Variants in ZNF624 observed in about 807,000 individuals in gnomAD.
The protein encoded by ZNF624 is zinc finger protein 624.
ZNF624 carries 43 observed loss-of-function variants against 74.7 expected under a neutral mutation model. The observed-to-expected ratio is 0.58, with a 90% CI of 0.45 to 0.74. ZNF624 has a LOEUF of 0.74. ZNF624 is among the 30% of genes least tolerant of loss of function. ZNF624 has a pLI of 0.00. For missense variants in ZNF624, 820 were observed against 1,030.0 expected (o/e 0.80, Z 2.79); for synonymous variants, 331 against 341.3 (o/e 0.97, Z 0.33).
At chr17:16,617,910 G>A, downstream of ZNF624, 2 of 1,464,442 alleles carry the variant, frequency 1.4e-6, no homozygotes, top group East Asian at 2.4e-5. Flanking sequence ...CCCAAGGGCT[G>A]GTTGTGGAAC....
chr17:16,617,392 T>G (rs1231140293), downstream of ZNF624: 3 of 1,613,458 alleles, frequency 1.9e-6, no homozygotes, highest in East Asian at 6.7e-5. Context: ...ATCCAGTTTG[T>G]CCAAAGCACG....
At chr17:16,630,192 A>C (rs1442208190) in intron 5 of ZNF624, among the ~76,000 whole-genome samples, 1 of 152,176 alleles carries the variant, frequency 6.6e-6, no homozygotes, top group Non-Finnish European at 1.5e-5. Context: ...TATAACTGCC[A>C]ATCTAAAATT....
chr17:16,637,866 T>C (rs1303430903), intron 3 of ZNF624, among the ~76,000 whole-genome samples: 1 of 151,862 alleles, frequency 6.6e-6, no homozygotes, highest in Non-Finnish European at 1.5e-5. Context: ...AATTGACAAA[T>C]GGGATCTAAT....
intron 5 of ZNF624, among the ~76,000 whole-genome samples, chr17:16,629,870 C>A (rs9905745): frequency 0.053 from 8,002 of 152,168 alleles, 458 homozygotes; most frequent in South Asian, 0.13. Context: ...CCAATTTTTA[C>A]ATTTAAAATG....
chr17:16,617,856 A>G, downstream of ZNF624: 1 of 1,610,242 alleles, frequency 6.2e-7, no homozygotes, highest in Non-Finnish European at 8.5e-7. Context: ...GTTGTAGCTT[A>G]GGCGTCCTAT....
At chr17:16,636,043 G>T (rs1569044966) in intron 3 of ZNF624, among the ~76,000 whole-genome samples, 1 of 152,180 alleles carries the variant, frequency 6.6e-6, no homozygotes, top group Non-Finnish European at 1.5e-5. Context: ...AAGCAAGGAA[G>T]CTATGAAAGA....
Position 16,624,064 on chromosome 17 carries a change from T to C in ZNF624, c.822A>G (p.Lys274=). 6.2e-7 allele frequency: 1 copy of C among 1,614,058 alleles called. No homozygotes were observed. The highest frequency in any genetic ancestry group is 1.1e-5 in the South Asian group (1 of 91,060). ...TLGKKSNNKE[K]PYKCSTCEKA... is the part of the protein sequence containing the mutation. ...TTTCGCATGTACTACATTTGTAGGG[T>C]TTTTCCTTATTATTGGATTTTTTCC... The change falls in exon 6 of 6, where the codon AAA becomes AAG. Residue 274 remains lysine (K), a synonymous_variant. Transcript: ENST00000311331.
intron 3 of ZNF624, among the ~76,000 whole-genome samples, chr17:16,635,391 G>T (rs985949316): frequency 3.9e-5 from 6 of 152,024 alleles, no homozygotes; most frequent in African/African-American, 7.2e-5. Context: ...GGAGTAGAGC[G>T]GACTGGAATG....
chr17:16,640,169 C>T (rs1328410194), intron 3 of ZNF624, among the ~76,000 whole-genome samples: 1 of 152,058 alleles, frequency 6.6e-6, no homozygotes, highest in Non-Finnish European at 1.5e-5. Flanking sequence ...TAAACATATA[C>T]TCACCTAACA....
In ZNF624 at chr17:16,622,168, T is replaced by G. The variant is rs995312971; in HGVS notation, c.*120A>C. ...ATTAAATGATTTCCCACATAATTGC[T>G]TATAGTTTCTCTGTATACTTTCTGA... On this transcript the variant is annotated 3_prime_UTR_variant, in exon 6 of 6. Coordinates refer to ENST00000311331, the MANE Select transcript of ZNF624 (RefSeq NM_020787.4). The G allele has an allele frequency of 4.4e-6, 3 of 679,132 alleles. No homozygotes were observed. The African/African-American group carries it at 5.5e-5, about 12-fold the overall frequency. 42.1% of individuals were successfully genotyped at this position (679,132 alleles called of 1,614,324 possible). A position where few individuals can be genotyped will look rare whatever the true frequency, so the allele number is the denominator to read the frequency against.
intron 5 of ZNF624, chr17:16,631,864 G>T (rs1022336773): frequency 6.6e-6 from 1 of 152,118 alleles, no homozygotes; most frequent in Non-Finnish European, 1.5e-5. Flanking sequence ...ATGATAAACC[G>T]ATAGTATGCC....
At chr17:16,626,639 A>T (rs1909079420) in intron 5 of ZNF624, among the ~76,000 whole-genome samples, 2 of 152,130 alleles carry the variant, frequency 1.3e-5, no homozygotes, top group Non-Finnish European at 2.9e-5. Context: ...GTAGTACTAA[A>T]TACTTGGAAG....
chr17:16,614,297 A>T, the ZNF624 span, among the ~76,000 whole-genome samples: 1 of 152,160 alleles, frequency 6.6e-6, no homozygotes, highest in African/African-American at 2.4e-5. Flanking sequence ...AAGTCCTAGA[A>T]AACCTAATCA....
rs996269341 is a variant in ZNF624, at chr17:16,621,280, A to G, written c.*1008T>C. On this transcript the variant is annotated 3_prime_UTR_variant, in exon 6 of 6. Coordinates refer to ENST00000311331, the MANE Select transcript of ZNF624 (RefSeq NM_020787.4). ...ATATGGGTATGTCACAATTTATCTA[A>G]CCAGTTCCCTATTAATGGGCATTCA... is the stretch of plus-strand genomic sequence containing the variant. The G allele has an allele frequency of 6.6e-6, 1 of 152,220 alleles. No homozygotes were observed. Among genetic ancestry groups the G allele is most frequent in the African/African-American group, 2.4e-5 (1 of 41,460 alleles). The allele number at this position is 152,220 out of a possible 1,614,324, so 9.4% of individuals were successfully genotyped here.
intron 3 of ZNF624, among the ~76,000 whole-genome samples, chr17:16,646,335 CTA>C (rs1399284225): frequency 1.3e-5 from 2 of 152,104 alleles, no homozygotes; most frequent in African/African-American, 4.8e-5. Flanking sequence ...TTCAAAAATA[CTA>C]TGTATAAAAC....
intron 3 of ZNF624, among the ~76,000 whole-genome samples, chr17:16,645,295 G>A (rs532176678): frequency 2.8e-4 from 43 of 152,164 alleles, no homozygotes; most frequent in African/African-American, 9.6e-4. Context: ...AAAATTAGCC[G>A]GACATGGTGG....
chr17:16,622,594 A>G lies in ZNF624; in HGVS notation c.2292T>C (p.Gly764=), dbSNP rs1908947841. 6.2e-7 allele frequency: 1 copy of G among 1,613,594 alleles called. No individual in the cohort carries two copies. Among genetic ancestry groups the G allele is most frequent in the Non-Finnish European group, 8.5e-7 (1 of 1,179,862 alleles). ...TTCTCCAATGCACTGTAAGGTAAGAACCCCTCCTGAAGGCTTTTCCACAGA... is the reference window on the plus strand; with the variant it reads ...TTCTCCAATGCACTGTAAGGTAAGAGCCCCTCCTGAAGGCTTTTCCACAGA... ...CDVCGKAFRR[G]SYLTVHWRTH... The change falls in exon 6 of 6, where the codon GGT becomes GGC. Residue 764 remains glycine (G), a synonymous_variant. Coordinates refer to ENST00000311331, the MANE Select transcript of ZNF624 (RefSeq NM_020787.4).
rs79216753 is a variant in ZNF624 at position 16,624,638 on chromosome 17, G to T, written c.377-129C>A. 1.4e-5 allele frequency: 12 copies of T among 856,574 alleles called. No individual in the cohort carries two copies. The South Asian group carries it at 2.7e-4, about 19-fold the overall frequency. The allele number at this position is 856,574 out of a possible 1,614,324, so 53.1% of individuals were successfully genotyped here. A position where few individuals can be genotyped will look rare whatever the true frequency, so the allele number is the denominator to read the frequency against. On this transcript the variant is annotated intron_variant, in intron 5 of 5. Transcript: ENST00000311331. Reference sequence around the variant, plus strand: ...GTTTTAATTGCTTTCACACTGACTTGTTTTTTAGTGAGAAGAAGGTAGGGT... The same window carrying T: ...GTTTTAATTGCTTTCACACTGACTTTTTTTTTAGTGAGAAGAAGGTAGGGT...
chr17:16,627,072 A>T lies in ZNF624; in HGVS notation c.377-2563T>A, dbSNP rs4791671. ...CATCTCAAATAAATAAATAAATAAA[A>T]AAGAAGAAGAAAAGCTATATAAAAC... On this transcript the variant is annotated intron_variant, in intron 5 of 5. Coordinates refer to ENST00000311331, the MANE Select transcript of ZNF624 (RefSeq NM_020787.4). Among the ~76,000 whole-genome samples, 652 of 152,286 alleles carry T rather than the reference A, an allele frequency of 4.3e-3. 6 individuals are homozygous for T. The highest frequency in any genetic ancestry group is 0.02 in the Admixed American group (310 of 15,290).
Sources: allele counts gnomAD v4.1 joint callset (sites outside exome capture counted in the v4.1 genomes callset), GRCh38; gene constraint gnomAD v4.1.1; transcripts MANE v1.5; gene names NCBI Gene and HGNC (gene_info 2026-07-23, HGNC 2026-07-21).